LRMDA: variants seen among roughly 807,000 people sequenced by gnomAD.
LRMDA encodes the protein leucine rich melanocyte differentiation associated, also known as leucine-rich melanocyte differentiation-associated protein.
In LRMDA, 18 loss-of-function variants were observed where a neutral mutation model predicts 29.8. The ratio of observed to expected loss-of-function variants is 0.60; its 90% CI spans 0.42 to 0.90. The LOEUF (loss-of-function observed/expected upper bound fraction) is 0.90. Ranked by LOEUF, LRMDA falls within the 40% of genes least tolerant of loss-of-function variation. The pLI is 0.00. For synonymous variants in LRMDA, 125 were observed against 109.4 expected, an observed-to-expected ratio of 1.14 and a Z score of -0.89; for missense variants, 273 against 273.9, an observed-to-expected ratio of 1.00 and a Z score of 0.02.
intron 2 of LRMDA, among the ~76,000 whole-genome samples, chr10:75,879,228 C>A (rs886181146): frequency 3.3e-5 from 5 of 152,146 alleles, no homozygotes; most frequent in Non-Finnish European, 7.3e-5. Flanking sequence ...GCAGCGAGGC[C>A]CAGAGTGTAA....
chr10:75,998,649 A>C (rs550742025), intron 2 of LRMDA, among the ~76,000 whole-genome samples: 34 of 152,356 alleles, frequency 2.2e-4, no homozygotes, highest in African/African-American at 7.7e-4. Flanking sequence ...GTGACGATCC[A>C]GGGCCCAAGG....
intron 5 of LRMDA, among the ~76,000 whole-genome samples, chr10:76,111,618 G>A (rs910690733): frequency 7.2e-5 from 11 of 152,184 alleles, no homozygotes; most frequent in Admixed American, 6.5e-4. Flanking sequence ...TTTAGAAAAA[G>A]ACATTAGGCA....
At chr10:76,306,371 G>A (rs1840556334) in intron 5 of LRMDA, among the ~76,000 whole-genome samples, 3 of 152,206 alleles carry the variant, frequency 2.0e-5, no homozygotes, top group Admixed American at 1.3e-4. Flanking sequence ...GCTATAGTGG[G>A]TGCTGTTGAA....
chr10:75,531,170 T>C (rs545466941), intron 2 of LRMDA, among the ~76,000 whole-genome samples: 1 of 152,200 alleles, frequency 6.6e-6, no homozygotes, highest in East Asian at 1.9e-4. Flanking sequence ...TCTTCCTTAA[T>C]GTTGTTAGCC....
At chr10:76,055,710 C>G (rs1032976934) in intron 4 of LRMDA, among the ~76,000 whole-genome samples, 1 of 152,226 alleles carries the variant, frequency 6.6e-6, no homozygotes, top group South Asian at 2.1e-4. Flanking sequence ...CTGGGCAGCT[C>G]TAGACACTGG....
At chr10:76,169,966 A>T (rs1357509454) in intron 5 of LRMDA, among the ~76,000 whole-genome samples, 16 of 152,154 alleles carry the variant, frequency 1.1e-4, no homozygotes, top group Non-Finnish European at 1.5e-5. Context: ...CCCTTGGATG[A>T]TGGCCATTTC....
At chr10:75,802,974 T>A (rs59852921) in intron 2 of LRMDA, among the ~76,000 whole-genome samples, 1,451 of 73,770 alleles carry the variant, frequency 0.02, 15 homozygotes, top group African/African-American at 0.047. Context: ...ATATATATAT[T>A]TTTTTTTTTT....
chr10:75,951,660 C>A (rs1846576202), intron 2 of LRMDA, among the ~76,000 whole-genome samples: 1 of 152,226 alleles, frequency 6.6e-6, no homozygotes, highest in Admixed American at 6.5e-5. Context: ...TTCTTGAAAT[C>A]TGCCTCTAAC....
chr10:75,755,488 G>T (rs563169767), intron 2 of LRMDA, among the ~76,000 whole-genome samples: 2 of 152,310 alleles, frequency 1.3e-5, no homozygotes, highest in South Asian at 4.1e-4. Context: ...TTCTAATGAG[G>T]AAAGAGACAA....
chr10:75,969,173 A>G (rs1846921113), intron 2 of LRMDA, among the ~76,000 whole-genome samples: 1 of 152,100 alleles, frequency 6.6e-6, no homozygotes, highest in African/African-American at 2.4e-5. Context: ...TGTTGCCTTA[A>G]TATCTTTAGG....
At chr10:75,437,363 T>C (rs914093198) in intron 1 of LRMDA, among the ~76,000 whole-genome samples, 1 of 152,224 alleles carries the variant, frequency 6.6e-6, no homozygotes, top group South Asian at 2.1e-4. Context: ...TCTTTGTCTA[T>C]ATGTGTGGAA....
chr10:75,521,673 G>T (rs1056004052), intron 2 of LRMDA, among the ~76,000 whole-genome samples: 4 of 152,208 alleles, frequency 2.6e-5, no homozygotes, highest in African/African-American at 4.8e-5. Flanking sequence ...CCCAGGTGAG[G>T]CGATGCCCTG....
At chr10:76,020,327 G>T (rs1426642187) in intron 2 of LRMDA, among the ~76,000 whole-genome samples, 1 of 152,236 alleles carries the variant, frequency 6.6e-6, no homozygotes, top group Non-Finnish European at 1.5e-5. Context: ...TTGGAAGAAA[G>T]AGAGTGGGGA....
rs568475629 is a variant in LRMDA, at chr10:75,983,560, C to T, written c.132-52448C>T. On this transcript the variant is annotated intron_variant, in intron 2 of 6. Transcript: ENST00000611255. ...TTTTTCCTTCATTAGCTCTCACTTACAAGTTATACATTTTCAAATATAATA... is the reference window on the plus strand; with the variant it reads ...TTTTTCCTTCATTAGCTCTCACTTATAAGTTATACATTTTCAAATATAATA... Among the ~76,000 whole-genome samples the T allele has an allele frequency of 9.2e-5, 14 of 152,274 alleles. No homozygotes were observed. In the South Asian group the frequency reaches 2.9e-3, roughly 32 times the overall value.
chr10:75,809,626 A>G (rs1843921086), intron 2 of LRMDA, among the ~76,000 whole-genome samples: 1 of 152,172 alleles, frequency 6.6e-6, no homozygotes, highest in Non-Finnish European at 1.5e-5. Context: ...CCTGGGTGAC[A>G]GAATGAGACT....
rs1843573838 is a variant in LRMDA at position 76,557,517 on chromosome 10, G to T, written c.*229G>T. 3 of 570,168 alleles carry T rather than the reference G, an allele frequency of 5.3e-6. No individual in the cohort carries two copies. The highest frequency in any genetic ancestry group is 9.3e-6 in the Non-Finnish European group (3 of 320,870). The allele number at this position is 570,168 out of a possible 1,614,324, so 35.3% of individuals were successfully genotyped here. ...GATTGACATGATTGCCCTTAAGCAG[G>T]TCTCATCCACCAGGGTGACAGACAG... On this transcript the variant is annotated 3_prime_UTR_variant, in exon 7 of 7. Coordinates refer to ENST00000611255, the MANE Select transcript of LRMDA (RefSeq NM_001305581.2).
chr10:75,853,942 T>C (rs1323823913), intron 2 of LRMDA, among the ~76,000 whole-genome samples: 1 of 152,200 alleles, frequency 6.6e-6, no homozygotes, highest in East Asian at 1.9e-4. Context: ...GCCTTGCTTC[T>C]GGAAGTCCAG....
At chr10:76,079,093 G>T (rs888680401) in intron 5 of LRMDA, among the ~76,000 whole-genome samples, 2 of 152,178 alleles carry the variant, frequency 1.3e-5, no homozygotes, top group Non-Finnish European at 2.9e-5. Context: ...TCTTTCCTCT[G>T]TCTCACTATG....
At chr10:75,628,525 G>T (rs1435894006) in intron 2 of LRMDA, among the ~76,000 whole-genome samples, 1 of 152,226 alleles carries the variant, frequency 6.6e-6, no homozygotes, top group Non-Finnish European at 1.5e-5. Flanking sequence ...GTACTTCACA[G>T]TGAAGATAGG....
Sources: allele counts gnomAD v4.1 joint callset (sites outside exome capture counted in the v4.1 genomes callset), GRCh38; gene constraint gnomAD v4.1.1; transcripts MANE v1.5; gene names NCBI Gene and HGNC (gene_info 2026-07-23, HGNC 2026-07-21).